The following MACROD2 variants were observed in gnomAD, a reference collection of about 807,000 sequenced individuals.
MACROD2 encodes ADP-ribose glycohydrolase MACROD2.
In MACROD2, 36 loss-of-function variants were observed where a neutral mutation model predicts 70.4. The ratio of observed to expected loss-of-function variants is 0.51; its 90% CI spans 0.39 to 0.68. The LOEUF is 0.68. MACROD2 is among the 30% of genes least tolerant of loss of function. The pLI is 0.00. For missense variants in MACROD2, 496 were observed against 538.4 expected, an observed-to-expected ratio of 0.92 and a Z score of 0.78; for synonymous variants, 172 against 178.8, an observed-to-expected ratio of 0.96 and a Z score of 0.30.
intron 5 of MACROD2, among the ~76,000 whole-genome samples, chr20:15,002,526 C>T (rs573830767): frequency 3.6e-4 from 54 of 152,070 alleles, no homozygotes; most frequent in Non-Finnish European, 4.7e-4. Context: ...TGATCAATGA[C>T]GATATCATTA....
At chr20:15,839,830 G>T (rs1178776598) in intron 8 of MACROD2, among the ~76,000 whole-genome samples, 1 of 151,948 alleles carries the variant, frequency 6.6e-6, no homozygotes, top group Non-Finnish European at 1.5e-5. Flanking sequence ...TTGTAATTTT[G>T]TGATTATTTA....
chr20:15,120,124 T>C (rs116638074), intron 5 of MACROD2, among the ~76,000 whole-genome samples: 107 of 152,320 alleles, frequency 7.0e-4, no homozygotes, highest in African/African-American at 2.5e-3. Context: ...TAACTAAGAA[T>C]GGTTTGCTTG....
At chr20:14,066,740 A>G (rs1486730642) in intron 2 of MACROD2, among the ~76,000 whole-genome samples, 1 of 151,850 alleles carries the variant, frequency 6.6e-6, no homozygotes, top group Non-Finnish European at 1.5e-5. Flanking sequence ...AAAGCTCTTA[A>G]CCGACAGGCT....
chr20:15,847,119 C>G (rs1037687855), intron 8 of MACROD2, among the ~76,000 whole-genome samples: 2 of 152,032 alleles, frequency 1.3e-5, no homozygotes, highest in African/African-American at 4.8e-5. Context: ...GTGGATCTTT[C>G]CAAATATTTT....
intron 3 of MACROD2, among the ~76,000 whole-genome samples, chr20:14,429,821 C>A (rs35045562): frequency 0.15 from 23,556 of 152,106 alleles, 2,597 homozygotes; most frequent in Non-Finnish European, 0.22. Context: ...ATGGCCCTGC[C>A]TCCCCAGCCT....
intron 5 of MACROD2, chr20:14,757,869 C>G: frequency 6.7e-7 from 1 of 1,494,950 alleles, no homozygotes; most frequent in African/African-American, 1.4e-5. Context: ...ACTGGCAGGC[C>G]TCGGCCTAAA....
intron 3 of MACROD2, among the ~76,000 whole-genome samples, chr20:14,371,164 C>T (rs1160185819): frequency 6.6e-6 from 1 of 152,012 alleles, no homozygotes; most frequent in Non-Finnish European, 1.5e-5. Flanking sequence ...AAATTTTAGG[C>T]CAACTTAATT....
At chr20:15,811,622 C>T (rs2147088158) in intron 8 of MACROD2, among the ~76,000 whole-genome samples, 1 of 152,052 alleles carries the variant, frequency 6.6e-6, no homozygotes, top group East Asian at 1.9e-4. Context: ...AGCCTGATCT[C>T]TTTTATTTGA....
At chr20:14,471,517 A>G (rs2084530653) in intron 3 of MACROD2, among the ~76,000 whole-genome samples, 1 of 152,200 alleles carries the variant, frequency 6.6e-6, no homozygotes, top group African/African-American at 2.4e-5. Context: ...GGGCATTATT[A>G]ACATTTAGAA....
Position 15,289,898 on chromosome 20 carries a change from G to A in MACROD2, c.540+59837G>A, listed in dbSNP as rs138929177. 5.3e-3 allele frequency among the ~76,000 whole-genome samples: 814 copies of A among 152,244 alleles called. 12 individuals are homozygous for A. Among genetic ancestry groups the A allele is most frequent in the African/African-American group, 0.019 (779 of 41,522 alleles). ...GGTAGAAAAGGAGACAAATGTGAAA[G>A]CAATTTCACAAAGAGTAACACATTT... On this transcript the variant is annotated intron_variant, in intron 6 of 17. Coordinates refer to ENST00000684519, the MANE Select transcript of MACROD2 (RefSeq NM_001351661.2).
At chr20:14,630,272 G>T (rs1443468883) in intron 4 of MACROD2, among the ~76,000 whole-genome samples, 3 of 152,092 alleles carry the variant, frequency 2.0e-5, no homozygotes, top group Non-Finnish European at 4.4e-5. Flanking sequence ...AAAAGCAAGA[G>T]AAATTTTTCA....
intron 3 of MACROD2, among the ~76,000 whole-genome samples, chr20:14,237,804 T>C (rs982489542): frequency 5.3e-5 from 8 of 152,024 alleles, no homozygotes; most frequent in African/African-American, 1.9e-4. Flanking sequence ...TTTGGTTTTT[T>C]TGTCCTTGCG....
At chr20:14,917,247 T>C (rs2122621065) in intron 5 of MACROD2, among the ~76,000 whole-genome samples, 1 of 151,298 alleles carries the variant, frequency 6.6e-6, no homozygotes, top group South Asian at 2.1e-4. Flanking sequence ...AGGTTAGCTT[T>C]TGTGTGACAT....
At chr20:14,336,701 T>C (rs78863069) in intron 3 of MACROD2, among the ~76,000 whole-genome samples, 7,545 of 152,276 alleles carry the variant, frequency 0.05, 276 homozygotes, top group Non-Finnish European at 0.072. Context: ...AGCCATTTAC[T>C]ATGCTAGTCA....
At chr20:15,361,124 A>T (rs1456216326) in intron 6 of MACROD2, among the ~76,000 whole-genome samples, 1 of 152,096 alleles carries the variant, frequency 6.6e-6, no homozygotes, top group African/African-American at 2.4e-5. Flanking sequence ...ATGTCTAAGA[A>T]CTTTTCACAA....
At chr20:15,517,117 T>A (rs6105425) in intron 8 of MACROD2, among the ~76,000 whole-genome samples, 5,309 of 152,192 alleles carry the variant, frequency 0.035, 321 homozygotes, top group African/African-American at 0.12. Context: ...GATCCATAGG[T>A]TCTGCTCAAC....
intron 4 of MACROD2, among the ~76,000 whole-genome samples, chr20:14,642,534 G>A (rs1175543685): frequency 6.6e-6 from 1 of 152,060 alleles, no homozygotes; most frequent in Non-Finnish European, 1.5e-5. Flanking sequence ...TTCATGTAAA[G>A]TGAGAGATAT....
chr20:14,660,695 T>C (rs1228028176), intron 4 of MACROD2, among the ~76,000 whole-genome samples: 1 of 152,108 alleles, frequency 6.6e-6, no homozygotes, highest in East Asian at 1.9e-4. Context: ...TCACCAGCCC[T>C]CGATTTCTCC....
intron 6 of MACROD2, among the ~76,000 whole-genome samples, chr20:15,402,194 T>C (rs757626622): frequency 5.9e-5 from 9 of 152,122 alleles, no homozygotes; most frequent in Non-Finnish European, 1.0e-4. Flanking sequence ...CCTGGGGTTC[T>C]CTTCAATGGG....
Sources: gnomAD v4.1 joint callset for allele counts (sites outside exome capture counted in the v4.1 genomes callset) on GRCh38, gnomAD v4.1.1 for gene constraint, MANE v1.5 for transcripts, NCBI Gene and HGNC (gene_info 2026-07-23, HGNC 2026-07-21) for gene names.